The following ATF1 variants were observed in gnomAD, a reference collection of about 807,000 sequenced individuals.
The protein encoded by ATF1 is activating transcription factor 1.
ATF1 carries 16 observed loss-of-function variants against 34.7 expected under a neutral mutation model. The observed-to-expected ratio is 0.46, with a 90% CI of 0.31 to 0.70. ATF1 has a LOEUF of 0.70. Ranked by LOEUF, ATF1 falls within the 30% of genes least tolerant of loss-of-function variation. The pLI is 0.05. For synonymous variants in ATF1, 105 were observed against 113.1 expected (o/e 0.93, Z 0.46); for missense variants, 255 against 321.6 (o/e 0.79, Z 1.58).
chr12:50,798,195 A>G (rs531475520), intron 3 of ATF1, among the ~76,000 whole-genome samples: 22 of 152,256 alleles, frequency 1.4e-4, no homozygotes, highest in Non-Finnish European at 2.5e-4. Flanking sequence ...CTTCAGGAAG[A>G]AGAAAATGAA....
At chr12:50,779,256 G>A (rs552794158) in intron 1 of ATF1, among the ~76,000 whole-genome samples, 19 of 152,140 alleles carry the variant, frequency 1.2e-4, no homozygotes, top group Non-Finnish European at 2.4e-4. Flanking sequence ...CCTTGAGACC[G>A]TGCTTTCAAT....
At position 50,764,139 on chromosome 12, in the gene ATF1, A is replaced by G. The variant is rs1282983029; in HGVS notation, c.-175A>G. On this transcript the variant is annotated 5_prime_UTR_variant, in exon 1 of 7. Coordinates refer to ENST00000262053, the MANE Select transcript of ATF1 (RefSeq NM_005171.5). ...ACTGCCGAGGAAACGGTAGCTTAGGACAGTTGGCTGTTAAGTGACACTGAT... is the reference window on the plus strand; with the variant it reads ...ACTGCCGAGGAAACGGTAGCTTAGGGCAGTTGGCTGTTAAGTGACACTGAT... The G allele has an allele frequency of 6.9e-6, 1 of 145,248 alleles. No individual in the cohort carries two copies. Among genetic ancestry groups the G allele is most frequent in the Non-Finnish European group, 1.5e-5 (1 of 66,518 alleles). 9.0% of individuals were successfully genotyped at this position (145,248 alleles called of 1,614,324 possible).
chr12:50,786,639 T>G (rs1941191179), intron 2 of ATF1, among the ~76,000 whole-genome samples: 1 of 152,102 alleles, frequency 6.6e-6, no homozygotes, highest in Non-Finnish European at 1.5e-5. Context: ...AGTTTTCCAT[T>G]GTGTCTGGGA....
chr12:50,775,731 T>A (rs1940903473), intron 1 of ATF1: 2 of 152,242 alleles, frequency 1.3e-5, no homozygotes, highest in Admixed American at 6.5e-5. Context: ...ATAGTTTCAG[T>A]GCTTTAGGAT....
At chr12:50,812,468 G>A (rs1270506436) in intron 4 of ATF1, among the ~76,000 whole-genome samples, 1 of 152,144 alleles carries the variant, frequency 6.6e-6, no homozygotes, top group Non-Finnish European at 1.5e-5. Flanking sequence ...AAATAAATGT[G>A]TATGTGTATA....
At chr12:50,815,945 G>A (rs999060497) in intron 6 of ATF1, among the ~76,000 whole-genome samples, 1 of 152,170 alleles carries the variant, frequency 6.6e-6, no homozygotes, top group African/African-American at 2.4e-5. Context: ...TTGAAGGTCA[G>A]TATCTTAAGT....
intron 1 of ATF1, among the ~76,000 whole-genome samples, chr12:50,773,950 C>T (rs1565899819): frequency 2.0e-5 from 3 of 152,144 alleles, no homozygotes; most frequent in African/African-American, 7.2e-5. Flanking sequence ...TTACATTTCT[C>T]TAATGATCAG....
intron 2 of ATF1, among the ~76,000 whole-genome samples, chr12:50,791,552 C>CA (rs59699950): frequency 0.019 from 2,344 of 121,162 alleles, 29 homozygotes; most frequent in African/African-American, 0.041. Flanking sequence ...AACTCAGTCT[C>CA]AAAAAAAAAA....
intron 3 of ATF1, among the ~76,000 whole-genome samples, chr12:50,808,977 A>G (rs1298520501): frequency 6.6e-6 from 1 of 151,628 alleles, no homozygotes; most frequent in East Asian, 2.0e-4. Context: ...TGACCTTGTG[A>G]TCCGCTGGTC....
At chr12:50,803,345 G>C (rs1311523465) in intron 3 of ATF1, among the ~76,000 whole-genome samples, 1 of 151,426 alleles carries the variant, frequency 6.6e-6, no homozygotes, top group African/African-American at 2.4e-5. Flanking sequence ...CCTATGAAAA[G>C]TTCAACATTT....
At chr12:50,805,479 G>A (rs973151437) in intron 3 of ATF1, among the ~76,000 whole-genome samples, 1 of 149,556 alleles carries the variant, frequency 6.7e-6, no homozygotes, top group African/African-American at 2.5e-5. Flanking sequence ...GATCACTTGA[G>A]CCTGGGAGAT....
intron 1 of ATF1, among the ~76,000 whole-genome samples, chr12:50,776,123 T>C (rs1338757327): frequency 6.6e-6 from 1 of 151,864 alleles, no homozygotes; most frequent in East Asian, 1.9e-4. Context: ...CCATCCTGGC[T>C]AACACAGTGA....
chr12:50,815,104 A>C (rs1479583346), intron 6 of ATF1, among the ~76,000 whole-genome samples: 1 of 152,132 alleles, frequency 6.6e-6, no homozygotes, highest in Non-Finnish European at 1.5e-5. Context: ...CCTGGGCAAC[A>C]GAGTGAGACT....
intron 1 of ATF1, among the ~76,000 whole-genome samples, chr12:50,767,519 C>A (rs1940667370): frequency 6.6e-6 from 1 of 152,090 alleles, no homozygotes; most frequent in Non-Finnish European, 1.5e-5. Context: ...ACTCCATGTC[C>A]ATCTCAAAAA....
intron 3 of ATF1, 37 bp downstream of exon 3, chr12:50,796,046 A>G: frequency 6.7e-7 from 1 of 1,497,968 alleles, no homozygotes; most frequent in Non-Finnish European, 9.1e-7. Flanking sequence ...GCATGTTATG[A>G]TAGTACCAAA....
upstream of ATF1, chr12:50,763,639 TAAAA>T (rs71086473): frequency 3.9e-5 from 3 of 77,242 alleles, no homozygotes; most frequent in African/African-American, 5.6e-5. Flanking sequence ...AGACTCCATC[TAAAA>T]AAAAAAAAAA....
intron 4 of ATF1, among the ~76,000 whole-genome samples, chr12:50,811,980 C>T (rs7306677): frequency 0.36 from 54,797 of 151,888 alleles, 10,150 homozygotes; most frequent in Non-Finnish European, 0.39. Flanking sequence ...CTGCATTGTC[C>T]CAGAATAGTA....
At chr12:50,766,035 A>G (rs1278200190) in intron 1 of ATF1, among the ~76,000 whole-genome samples, 1 of 152,150 alleles carries the variant, frequency 6.6e-6, no homozygotes, top group Non-Finnish European at 1.5e-5. Flanking sequence ...TTCTTGCGCG[A>G]GATCCAAGAA....
chr12:50,779,054 A>G (rs1940996234), intron 1 of ATF1, among the ~76,000 whole-genome samples: 1 of 152,228 alleles, frequency 6.6e-6, no homozygotes, highest in African/African-American at 2.4e-5. Context: ...ACTTAGCACA[A>G]TATGCTCAAG....
Sources: gnomAD v4.1 joint callset for allele counts (sites outside exome capture counted in the v4.1 genomes callset) on GRCh38, gnomAD v4.1.1 for gene constraint, MANE v1.5 for transcripts, NCBI Gene and HGNC (gene_info 2026-07-23, HGNC 2026-07-21) for gene names.